Variants in GAL3ST4 observed in about 807,000 individuals in gnomAD.
GAL3ST4 encodes the protein beta-galactose-3-O-sulfotransferase 4.
GAL3ST4 carries 30 observed loss-of-function variants against 31.6 expected under a neutral mutation model. The ratio of observed to expected loss-of-function variants is 0.95; its 90% CI spans 0.71 to 1.29. The LOEUF is 1.29. Ranked by LOEUF, GAL3ST4 falls within the 50% of genes most tolerant of loss-of-function variation. The probability of loss-of-function intolerance (pLI) is 0.00; values close to 1 mark genes in which losing one functional copy is unlikely to be tolerated. For missense variants in GAL3ST4, 629 were observed against 625.2 expected, an observed-to-expected ratio of 1.01 and a Z score of -0.06; for synonymous variants, 248 against 256.9, an observed-to-expected ratio of 0.97 and a Z score of 0.33.
intron 3 of GAL3ST4, among the ~76,000 whole-genome samples, chr7:100,163,113 T>G (rs1799027772): frequency 6.6e-6 from 1 of 152,124 alleles, no homozygotes; most frequent in South Asian, 2.1e-4. Flanking sequence ...AGGCAGCAGG[T>G]GGGCAGGCCA....
At position 100,160,598 on chromosome 7, in the gene GAL3ST4, G is replaced by A; in HGVS notation, c.791C>T (p.Ser264Phe). ...LNPNALIHPV[S>F]TVTDHRSQIS... Reference sequence around the variant, plus strand: ...CTGGCTGCGATGATCAGTAACAGTGGAAACAGGATGGATGAGGGCATTGGG... The same window carrying A: ...CTGGCTGCGATGATCAGTAACAGTGAAAACAGGATGGATGAGGGCATTGGG... The change falls in exon 4 of 4, where the codon TCC (serine) becomes TTC (phenylalanine). Residue 264 changes from serine (S) to phenylalanine (F), a missense_variant. Ser to Phe is a radical substitution (Grantham distance 155, BLOSUM62 -2). Coordinates refer to ENST00000360039, the MANE Select transcript of GAL3ST4 (RefSeq NM_024637.5). The A allele has an allele frequency of 6.2e-7, 1 of 1,613,840 alleles. No homozygotes were observed. The highest frequency in any genetic ancestry group is 1.1e-5 in the South Asian group (1 of 91,086).
At position 100,167,070 on chromosome 7, in the gene GAL3ST4, G is replaced by A. The variant is rs755486643; in HGVS notation, c.26C>T (p.Thr9Met). 23 of 1,556,272 alleles carry A rather than the reference G, an allele frequency of 1.5e-5. No individual in the cohort carries two copies. Among genetic ancestry groups the A allele is most frequent in the East Asian group, 7.2e-5 (3 of 41,760 alleles). The change falls in exon 2 of 4, where the codon ACG becomes ATG. Residue 9 changes from threonine to methionine, a missense_variant. Coordinates refer to ENST00000360039, the MANE Select transcript of GAL3ST4 (RefSeq NM_024637.5). The part of the protein sequence containing the change: MGPLSPAR[T>M]LRLWGPRSLG... The stretch of plus-strand genomic sequence containing the variant: ...GCTCCGAGGTCCCCAGAGCCGCAGC[G>A]TCCTGGCAGGAGAGAGAGGGCCCAT...
At position 100,166,964 on chromosome 7, in the gene GAL3ST4, A is replaced by G; in HGVS notation, c.125+7T>C. On this transcript the variant is annotated splice_region_variant and intron_variant, in intron 2 of 3. Transcript: ENST00000360039. ...CTAGAAGGAGTTGGGGCAAAGTGGG[A>G]ACTCACCTCCTCTGGAAGGGCCCTC... 1 of 1,593,752 alleles carries G rather than the reference A, an allele frequency of 6.3e-7. No homozygotes were observed. The highest frequency in any genetic ancestry group is 2.3e-5 in the East Asian group (1 of 44,298).
chr7:100,162,229 T>G (rs1799013361), intron 3 of GAL3ST4, among the ~76,000 whole-genome samples: 1 of 151,950 alleles, frequency 6.6e-6, no homozygotes, highest in Non-Finnish European at 1.5e-5. Flanking sequence ...AAGACAAGCC[T>G]GAGCAACACA....
rs202164744 is a variant in GAL3ST4, at chr7:100,160,867, G to A, written c.522C>T (p.Ser174=). The change falls in exon 4 of 4, where the codon TCC becomes TCT. Residue 174 remains serine (S), a synonymous_variant. Transcript: ENST00000360039. ...LARSAFSYYK[S]TSSAFRKSPS... ...GTGACTTGCGGAAGGCTGATGAGGT[G>A]GATTTATAGTAGGAGAAGGCAGAGC... The A allele has an allele frequency of 1.1e-5, 18 of 1,614,178 alleles. No individual in the cohort carries two copies. In the African/African-American group the frequency reaches 1.6e-4, roughly 14 times the overall value.
Position 100,160,327 on chromosome 7 carries a change from C to G in GAL3ST4, c.1062G>C (p.Gln354His). The change falls in exon 4 of 4, where the codon CAG (glutamine) becomes CAC (histidine). Residue 354 changes from glutamine (Q) to histidine (H), a missense_variant. By Grantham distance (24) the Gln-to-His change is conservative. Coordinates refer to ENST00000360039, the MANE Select transcript of GAL3ST4 (RefSeq NM_024637.5). ...TCCAGGCTCGGGCCCGTGCAGTCAG[C>G]TGCCGGTCCTCCGCAGTCAGTCCAC... ...SNSGLTAEDR[Q>H]LTARARAWNN... The G allele has an allele frequency of 1.9e-6, 3 of 1,613,830 alleles. No homozygotes were observed. Among genetic ancestry groups the G allele is most frequent in the Non-Finnish European group, 2.5e-6 (3 of 1,179,934 alleles).
At chr7:100,165,057 G>T (rs1392546309) in intron 3 of GAL3ST4, among the ~76,000 whole-genome samples, 4 of 151,630 alleles carry the variant, frequency 2.6e-5, no homozygotes, top group Non-Finnish European at 5.9e-5. Context: ...TGTATTTTTA[G>T]TAGAAACGGG....
At chr7:100,163,475 CTTT>C (rs397889093) in intron 3 of GAL3ST4, among the ~76,000 whole-genome samples, 9 of 133,470 alleles carry the variant, frequency 6.7e-5, no homozygotes, top group Admixed American at 7.5e-5. Context: ...TGTGAACTCT[CTTT>C]TTTTTTTTTT....
rs1272047989 is a variant in GAL3ST4 at position 100,166,716 on chromosome 7, A to G, written c.215T>C (p.Leu72Pro). The G allele has an allele frequency of 1.9e-6, 3 of 1,614,032 alleles. No homozygotes were observed. Among genetic ancestry groups the G allele is most frequent in the East Asian group, 4.5e-5 (2 of 44,902 alleles). Residue 72 changes from leucine to proline, a missense_variant, in exon 3 of 4, where the codon CTG (leucine) becomes CCG (proline). Transcript: ENST00000360039. The stretch of plus-strand genomic sequence containing the variant: ...GCTGCTCCCGGATTTATGTGTCTTC[A>G]GGAACACCAGTCGCTGCCGGGGTGG... ...SCPPRQRLVFLKTHKSGSSSV... is the reference protein window; with the variant it reads ...SCPPRQRLVFPKTHKSGSSSV...
chr7:100,160,417 G>T lies in GAL3ST4; in HGVS notation c.972C>A (p.Asp324Glu). The stretch of plus-strand genomic sequence containing the variant: ...GGGCATTGTGCATGAAGCCCACCAC[G>T]TCATCTAGACCCCAGCACAGGGCAT... ...LADALCWGLDDVVGFMHNAQA... is the reference protein window; with the variant it reads ...LADALCWGLDEVVGFMHNAQA... Residue 324 changes from aspartate (D) to glutamate (E), a missense_variant, in exon 4 of 4, where the codon GAC becomes GAA. Transcript: ENST00000360039. The T allele has an allele frequency of 2.5e-6, 4 of 1,614,016 alleles. No individual in the cohort carries two copies. Among genetic ancestry groups the T allele is most frequent in the Non-Finnish European group, 3.4e-6 (4 of 1,180,002 alleles).
At chr7:100,167,570 G>A (rs1799094659) in intron 1 of GAL3ST4, 1 of 186,590 alleles carries the variant, frequency 5.4e-6, no homozygotes, top group Admixed American at 5.5e-5. Context: ...AAGAGAGAGA[G>A]AGATCAGATC....
Position 100,168,354 on chromosome 7 carries a change from C to T in GAL3ST4, c.-189+192G>A, listed in dbSNP as rs1799118855. On this transcript the variant is annotated intron_variant, in intron 1 of 3. Transcript: ENST00000360039. This position sits in a 1 kb window ranked among gnomAD's most constrained non-coding sequence, Gnocchi z 4.1. ...GCCCCTGGGGTCTAGCCGCGTCTCCCCTATCCAGAGTTCTTCATTTCCTTC... is the reference window on the plus strand; with the variant it reads ...GCCCCTGGGGTCTAGCCGCGTCTCCTCTATCCAGAGTTCTTCATTTCCTTC... Among the ~76,000 whole-genome samples, 1 of 152,158 alleles carries T rather than the reference C, an allele frequency of 6.6e-6. No homozygotes were observed. The highest frequency in any genetic ancestry group is 2.4e-5 in the African/African-American group (1 of 41,428).
chr7:100,162,460 G>A (rs1562954851), intron 3 of GAL3ST4, among the ~76,000 whole-genome samples: 1 of 150,576 alleles, frequency 6.6e-6, no homozygotes, highest in Non-Finnish European at 1.5e-5. Context: ...CAGGAGAATC[G>A]CTTGAAGCTG....
rs1315417259 is a variant in GAL3ST4, at chr7:100,168,117, C to T, written c.-189+429G>A. 6.6e-6 allele frequency: 1 copy of T among 152,178 alleles called. No homozygotes were observed. Among genetic ancestry groups the T allele is most frequent in the African/African-American group, 2.4e-5 (1 of 41,376 alleles). 9.4% of individuals were successfully genotyped at this position (152,178 alleles called of 1,614,324 possible). ...AGGCGCAAACACTAACTGCAGAGTT[C>T]CTTCTGAAGCCCGAGCTTCCTAATC... On this transcript the variant is annotated intron_variant, in intron 1 of 3. Coordinates refer to ENST00000360039, the MANE Select transcript of GAL3ST4 (RefSeq NM_024637.5). This position sits in a 1 kb window ranked among gnomAD's most constrained non-coding sequence, Gnocchi z 4.1.
In GAL3ST4 at chr7:100,160,416, C is replaced by T. The variant is rs777290219; in HGVS notation, c.973G>A (p.Val325Met). The T allele has an allele frequency of 6.8e-6, 11 of 1,614,008 alleles. No homozygotes were observed. The highest frequency in any genetic ancestry group is 2.2e-5 in the South Asian group (2 of 91,092). The stretch of plus-strand genomic sequence containing the variant: ...TGGGCATTGTGCATGAAGCCCACCA[C>T]GTCATCTAGACCCCAGCACAGGGCA... ...ADALCWGLDD[V>M]VGFMHNAQAG... is the part of the protein sequence containing the mutation. The change falls in exon 4 of 4, where the codon GTG (valine) becomes ATG (methionine). Residue 325 changes from valine (V) to methionine (M), a missense_variant. Physicochemically the swap from Val to Met is conservative, Grantham distance 21. Coordinates refer to ENST00000360039, the MANE Select transcript of GAL3ST4 (RefSeq NM_024637.5).
At chr7:100,165,819 T>TCACACACACA (rs61284255) in intron 3 of GAL3ST4, among the ~76,000 whole-genome samples, 14,385 of 136,110 alleles carry the variant, frequency 0.11, 1,080 homozygotes, top group South Asian at 0.18. Context: ...AGACCCTGTC[T>TCACACACACA]CACACACACA....
At chr7:100,161,494 CA>C (rs1202115945) in intron 3 of GAL3ST4, among the ~76,000 whole-genome samples, 1 of 151,426 alleles carries the variant, frequency 6.6e-6, no homozygotes, top group African/African-American at 2.4e-5. Flanking sequence ...ACTAAAAATA[CA>C]AAAAAATTAG....
At position 100,166,771 on chromosome 7, in the gene GAL3ST4, G is replaced by A. The variant is rs1333594603; in HGVS notation, c.160C>T (p.Pro54Ser). The change falls in exon 3 of 4, where the codon CCA (proline) becomes TCA (serine). Residue 54 changes from proline (P) to serine (S), a missense_variant. Coordinates refer to ENST00000360039, the MANE Select transcript of GAL3ST4 (RefSeq NM_024637.5). ...PGLQLRQPSAPSLRPALPSCP... is the reference protein window; with the variant it reads ...PGLQLRQPSASSLRPALPSCP... The stretch of plus-strand genomic sequence containing the variant: ...GACGGAAGGGCTGGTCGTAGGGATG[G>A]GGCCGAGGGCTGTCGGAGCTGTAGC... 6.2e-7 allele frequency: 1 copy of A among 1,612,034 alleles called. No individual in the cohort carries two copies. The highest frequency in any genetic ancestry group is 8.5e-7 in the Non-Finnish European group (1 of 1,179,162).
Position 100,160,816 on chromosome 7 carries a change from A to G in GAL3ST4, c.573T>C (p.Asn191=). ...KSPSLAAFLA[N]PRGFYRPGAR... The stretch of plus-strand genomic sequence containing the variant: ...CCCCAGGCCTGTAGAAGCCTCGAGG[A>G]TTGGCCAGGAAGGCAGCCAAAGATG... Residue 191 remains asparagine (N), a synonymous_variant, in exon 4 of 4, where the codon AAT becomes AAC. Coordinates refer to ENST00000360039, the MANE Select transcript of GAL3ST4 (RefSeq NM_024637.5). 1 of 1,614,164 alleles carries G rather than the reference A, an allele frequency of 6.2e-7. No individual in the cohort carries two copies. The highest frequency in any genetic ancestry group is 8.5e-7 in the Non-Finnish European group (1 of 1,180,030).
Sources: allele counts gnomAD v4.1 joint callset (sites outside exome capture counted in the v4.1 genomes callset), GRCh38; gene constraint gnomAD v4.1.1; non-coding constraint Gnocchi (gnomAD v3.1); transcripts MANE v1.5; gene names NCBI Gene and HGNC (gene_info 2026-07-23, HGNC 2026-07-21).